Variants in PLA2R1 observed in about 807,000 individuals in gnomAD.
PLA2R1 encodes the protein phospholipase A2 receptor 1.
PLA2R1 carries 158 observed loss-of-function variants against 195.9 expected under a neutral mutation model. The ratio of observed to expected loss-of-function variants is 0.81; its 90% CI spans 0.71 to 0.92. PLA2R1 has a LOEUF of 0.92. PLA2R1 is among the 40% of genes least tolerant of loss of function. The pLI is 0.00. For synonymous variants in PLA2R1, 586 were observed against 598.2 expected (o/e 0.98, Z 0.30); for missense variants, 1,626 against 1,764.6 (o/e 0.92, Z 1.41).
rs543854501 is a variant in PLA2R1, at chr2:160,033,002, C to T, written c.798G>A (p.Thr266=). The change falls in exon 4 of 30, where the codon ACG becomes ACA. Residue 266 remains threonine (T), a synonymous_variant. Coordinates refer to ENST00000283243, the MANE Select transcript of PLA2R1 (RefSeq NM_007366.5). ...AHSSCQMQGG[T]LLSITDETEE... ...CAGTTTCATCTGTAATACTTAACAG[C>T]GTACCTCCTTGCATCTGGCATGAAG... 19 of 1,613,362 alleles carry T rather than the reference C, an allele frequency of 1.2e-5. No homozygotes were observed. The African/African-American group carries it at 1.6e-4, about 14-fold the overall frequency.
chr2:159,955,656 T>C, intron 22 of PLA2R1, 42 bp downstream of exon 22: 2 of 1,137,624 alleles, frequency 1.8e-6, no homozygotes, highest in African/African-American at 3.2e-5. Context: ...GAATAAAATA[T>C]CTTGCCAAAG....
Position 160,028,970 on chromosome 2 carries a change from T to G in PLA2R1, c.842-7A>C, listed in dbSNP as rs757781806. ...GTTTTACTGCTCATGTGCTCTGAAA[T>G]GAAAATTATGGAGCTTCAAAAAAAA... On this transcript the variant is annotated splice_polypyrimidine_tract_variant and splice_region_variant and intron_variant, in intron 4 of 29. Transcript: ENST00000283243. 1 of 1,466,178 alleles carries G rather than the reference T, an allele frequency of 6.8e-7. No individual in the cohort carries two copies. Among genetic ancestry groups the G allele is most frequent in the Non-Finnish European group, 9.6e-7 (1 of 1,042,128 alleles). The allele number at this position is 1,466,178 out of a possible 1,614,324, so 90.8% of individuals were successfully genotyped here. A position where few individuals can be genotyped will look rare whatever the true frequency, so the allele number is the denominator to read the frequency against.
intron 23 of PLA2R1, 27 bp from the exon 24 acceptor site, chr2:159,951,605 ATT>A: frequency 8.8e-7 from 1 of 1,139,806 alleles, no homozygotes; most frequent in Non-Finnish European, 1.3e-6. Flanking sequence ...AACAAAAGTC[ATT>A]TGCAGCATCT....
rs1364775410 is a variant in PLA2R1, at chr2:159,937,732, G to A, written c.*4046C>T. ...AAAGTAGCACTCCAGCTGTTCCACT[G>A]TATAATACATATTAATTCAGAATAT... On this transcript the variant is annotated 3_prime_UTR_variant, in exon 30 of 30. Coordinates refer to ENST00000283243, the MANE Select transcript of PLA2R1 (RefSeq NM_007366.5). 6.6e-6 allele frequency: 1 copy of A among 152,200 alleles called. No individual in the cohort carries two copies. Among genetic ancestry groups the A allele is most frequent in the Non-Finnish European group, 1.5e-5 (1 of 68,038 alleles). The allele number at this position is 152,200 out of a possible 1,614,324, so 9.4% of individuals were successfully genotyped here.
chr2:159,930,875 A>G (rs1347451039), downstream of PLA2R1, among the ~76,000 whole-genome samples: 2 of 152,034 alleles, frequency 1.3e-5, no homozygotes, highest in Non-Finnish European at 2.9e-5. Context: ...CTTCCTCAGC[A>G]CCTCCGTGAT....
Position 160,022,864 on chromosome 2 carries a change from T to A in PLA2R1, c.1100-5A>T. On this transcript the variant is annotated splice_region_variant and splice_polypyrimidine_tract_variant and intron_variant, in intron 6 of 29. Transcript: ENST00000283243. Reference sequence around the variant, plus strand: ...AATATTTCCACGCATCTTTTTCTTTTTAAACCAACAAAAAACAATGTCATT... The same window carrying A: ...AATATTTCCACGCATCTTTTTCTTTATAAACCAACAAAAAACAATGTCATT... 6.4e-7 allele frequency: 1 copy of A among 1,567,374 alleles called. No individual in the cohort carries two copies. Among genetic ancestry groups the A allele is most frequent in the Non-Finnish European group, 8.7e-7 (1 of 1,153,922 alleles).
At chr2:160,016,796 A>C in intron 8 of PLA2R1, 84 bp from the exon 9 acceptor site, 1 of 704,214 alleles carries the variant, frequency 1.4e-6, no homozygotes, top group Non-Finnish European at 2.6e-6. Flanking sequence ...AAAAAATATG[A>C]TGAATAATGT....
rs1574629419 is a variant in PLA2R1, at chr2:159,938,906, T to C, written c.*2872A>G. On this transcript the variant is annotated 3_prime_UTR_variant, in exon 30 of 30. Coordinates refer to ENST00000283243, the MANE Select transcript of PLA2R1 (RefSeq NM_007366.5). Reference sequence around the variant, plus strand: ...TAACCCGAAAGAAGACTGTTGTAACTGTAAGAGCCCAATATATTGTTAAAT... The same window carrying C: ...TAACCCGAAAGAAGACTGTTGTAACCGTAAGAGCCCAATATATTGTTAAAT... The C allele has an allele frequency of 3.3e-5, 5 of 152,336 alleles. No homozygotes were observed. Among genetic ancestry groups the C allele is most frequent in the Admixed American group, 3.3e-4 (5 of 15,302 alleles). The allele number at this position is 152,336 out of a possible 1,614,324, so 9.4% of individuals were successfully genotyped here.
At chr2:159,955,054 A>G (rs1574660556) in intron 23 of PLA2R1, 145 bp downstream of exon 23, 1 of 612,496 alleles carries the variant, frequency 1.6e-6, no homozygotes, top group East Asian at 2.9e-5. Flanking sequence ...AAATAACTAA[A>G]CTTATGTAAA....
At chr2:159,959,442 T>G (rs1446317632) in intron 20 of PLA2R1, among the ~76,000 whole-genome samples, 1 of 152,174 alleles carries the variant, frequency 6.6e-6, no homozygotes, top group South Asian at 2.1e-4. Context: ...ACTCCGAAAT[T>G]GTGTCATTAA....
At chr2:159,981,067 G>T (rs1197762822) in intron 13 of PLA2R1, among the ~76,000 whole-genome samples, 1 of 152,128 alleles carries the variant, frequency 6.6e-6, no homozygotes, top group Admixed American at 6.6e-5. Flanking sequence ...CTCTCCTGGT[G>T]TTGTGACCTT....
At chr2:159,958,690 G>C (rs751676575) in intron 20 of PLA2R1, among the ~76,000 whole-genome samples, 2 of 152,176 alleles carry the variant, frequency 1.3e-5, no homozygotes, top group African/African-American at 2.4e-5. Context: ...TTAGCTCAGT[G>C]GTTCTCCAAC....
chr2:160,017,956 G>A (rs1181083090), intron 8 of PLA2R1, among the ~76,000 whole-genome samples: 2 of 152,180 alleles, frequency 1.3e-5, no homozygotes, highest in Admixed American at 6.6e-5. Context: ...GTTAAGAACT[G>A]TTAGATGAAT....
At position 159,955,211 on chromosome 2, in the gene PLA2R1, CACAA is replaced by C; in HGVS notation, c.3285_3288del (p.Cys1096LysfsTer11). 6.3e-7 allele frequency: 1 copy of C among 1,599,754 alleles called. No homozygotes were observed. The highest frequency in any genetic ancestry group is 8.5e-7 in the Non-Finnish European group (1 of 1,174,676). ...AAATATTTCTTACCTTGCATTTTTT[CACAA>C]ACAAACCCATAGCCTTCCTTTCCAC... On this transcript the variant is annotated frameshift_variant, in exon 23 of 30. Transcript: ENST00000283243. LOFTEE classifies it high-confidence loss of function.
intron 2 of PLA2R1, 100 bp from the exon 3 acceptor site, chr2:160,042,298 T>C: frequency 1.1e-6 from 1 of 927,794 alleles, no homozygotes; most frequent in Admixed American, 2.1e-5. Context: ...TGAAACCCTC[T>C]TGGGGCAGAT....
At chr2:159,989,215 T>C (rs1398804354) in intron 11 of PLA2R1, among the ~76,000 whole-genome samples, 2 of 152,154 alleles carry the variant, frequency 1.3e-5, no homozygotes, top group Non-Finnish European at 2.9e-5. Context: ...GGAGAGATTA[T>C]AGTATGCAAC....
intron 11 of PLA2R1, among the ~76,000 whole-genome samples, chr2:159,998,286 T>C (rs906845986): frequency 6.6e-6 from 1 of 152,178 alleles, no homozygotes; most frequent in African/African-American, 2.4e-5. Context: ...TACAATGCAG[T>C]AGCAACTATG....
In PLA2R1 at chr2:160,005,691, C is replaced by T. The variant is rs756007703; in HGVS notation, c.1795G>A (p.Glu599Lys). 7.1e-5 allele frequency: 114 copies of T among 1,613,972 alleles called. No individual in the cohort carries two copies. The highest frequency in any genetic ancestry group is 3.5e-4 in the Admixed American group (21 of 59,988). Residue 599 changes from glutamate to lysine, a missense_variant, in exon 11 of 30, where the codon GAG becomes AAG. Coordinates refer to ENST00000283243, the MANE Select transcript of PLA2R1 (RefSeq NM_007366.5). ...YTWKPVGQKP[E>K]PVQYTHWNTH... is the part of the protein sequence containing the mutation. The stretch of plus-strand genomic sequence containing the variant: ...TTCCAGTGTGTGTACTGCACCGGCT[C>T]GGGTTTCTGCCCTACTGGCTTCCAA...
rs1694567035 is a variant in PLA2R1, at chr2:160,042,218, A to C, written c.494-20T>G. ...GCAAATCTAGGAGAAAGAAATGTAC[A>C]AAGTCAGATAAGTATGATGTCAGCT... On this transcript the variant is annotated intron_variant, in intron 2 of 29. Coordinates refer to ENST00000283243, the MANE Select transcript of PLA2R1 (RefSeq NM_007366.5). 1 of 1,603,038 alleles carries C rather than the reference A, an allele frequency of 6.2e-7. No homozygotes were observed. The highest frequency in any genetic ancestry group is 8.5e-7 in the Non-Finnish European group (1 of 1,171,116).
Sources: gnomAD v4.1 joint callset for allele counts (sites outside exome capture counted in the v4.1 genomes callset) on GRCh38, gnomAD v4.1.1 for gene constraint, MANE v1.5 for transcripts, NCBI Gene and HGNC (gene_info 2026-07-23, HGNC 2026-07-21) for gene names.